The following CTNNA2 variants were observed in gnomAD, a reference collection of about 807,000 sequenced individuals.
CTNNA2 encodes the protein catenin alpha 2.
Under a neutral mutation model 101.0 loss-of-function variants are expected in CTNNA2, and 42 were observed. The ratio of observed to expected loss-of-function variants is 0.42; its 90% CI spans 0.32 to 0.54. The LOEUF (loss-of-function observed/expected upper bound fraction) is 0.54. CTNNA2 is among the 20% of genes least tolerant of loss of function. The probability of loss-of-function intolerance (pLI) is 0.14; values close to 1 mark genes in which losing one functional copy is unlikely to be tolerated. For synonymous variants in CTNNA2, 450 were observed against 456.4 expected, an observed-to-expected ratio of 0.99 and a Z score of 0.18; for missense variants, 871 against 1,223.1, an observed-to-expected ratio of 0.71 and a Z score of 4.29.
intron 7 of CTNNA2, among the ~76,000 whole-genome samples, chr2:80,152,123 A>G (rs1703741236): frequency 6.6e-6 from 1 of 152,222 alleles, no homozygotes; most frequent in Non-Finnish European, 1.5e-5. Context: ...GTTAACTGGG[A>G]TATGTATATA....
intron 12 of CTNNA2, among the ~76,000 whole-genome samples, chr2:80,562,213 C>T (rs1024122993): frequency 2.6e-5 from 4 of 150,970 alleles, no homozygotes; most frequent in Non-Finnish European, 4.5e-5. Flanking sequence ...AAAATATTTC[C>T]TATACACTGG....
intron 4 of CTNNA2, among the ~76,000 whole-genome samples, chr2:79,441,263 C>T (rs1678775158): frequency 6.6e-6 from 1 of 152,188 alleles, no homozygotes; most frequent in Non-Finnish European, 1.5e-5. Context: ...TATGTACCAC[C>T]TCTTTCAGAA....
chr2:80,435,986 C>T (rs764660216), intron 9 of CTNNA2, among the ~76,000 whole-genome samples: 1 of 152,090 alleles, frequency 6.6e-6, no homozygotes, highest in Non-Finnish European at 1.5e-5. Flanking sequence ...TAGTGATCTC[C>T]TGCTTAATTT....
intron 7 of CTNNA2, among the ~76,000 whole-genome samples, chr2:80,197,777 A>C (rs1346312197): frequency 2.0e-5 from 3 of 152,188 alleles, no homozygotes; most frequent in Admixed American, 1.3e-4. Context: ...CATGTAGACA[A>C]GTCTCAGTAA....
intron 1 of CTNNA2, among the ~76,000 whole-genome samples, chr2:79,647,886 G>T (rs1241158565): frequency 6.6e-6 from 1 of 152,196 alleles, no homozygotes; most frequent in Non-Finnish European, 1.5e-5. Context: ...TGTGCTCCAT[G>T]TGTCCTTCTT....
intron 7 of CTNNA2, among the ~76,000 whole-genome samples, chr2:80,293,444 A>G (rs1675443763): frequency 6.6e-6 from 1 of 152,224 alleles, no homozygotes; most frequent in South Asian, 2.1e-4. Flanking sequence ...CTTTGGTTTA[A>G]GGAGGTAAAA....
chr2:80,101,927 C>A (rs556055012), intron 7 of CTNNA2, among the ~76,000 whole-genome samples: 1 of 152,264 alleles, frequency 6.6e-6, no homozygotes, highest in South Asian at 2.1e-4. Flanking sequence ...ACGTCCTAGA[C>A]TAGGGAAGTC....
chr2:79,306,355 T>A (rs1346486469), intron 2 of CTNNA2, among the ~76,000 whole-genome samples: 1 of 152,304 alleles, frequency 6.6e-6, no homozygotes, highest in East Asian at 1.9e-4. Context: ...AAATAGATGT[T>A]GTGTTGTCAC....
chr2:80,646,799 G>C (rs3770384), intron 18 of CTNNA2, among the ~76,000 whole-genome samples: 2 of 152,018 alleles, frequency 1.3e-5, no homozygotes, highest in African/African-American at 2.4e-5. Flanking sequence ...TATCCAACAA[G>C]GTGACAGTAC....
intron 7 of CTNNA2, among the ~76,000 whole-genome samples, chr2:80,211,375 T>A (rs1379771610): frequency 6.6e-6 from 1 of 152,198 alleles, no homozygotes; most frequent in Non-Finnish European, 1.5e-5. Context: ...CTTTAATCCA[T>A]CTTGAGTTAA....
chr2:79,926,491 T>A (rs1376580238), intron 7 of CTNNA2, among the ~76,000 whole-genome samples: 1 of 152,114 alleles, frequency 6.6e-6, no homozygotes, highest in Non-Finnish European at 1.5e-5. Flanking sequence ...TCTTATCCTG[T>A]AATGAAACAT....
intron 2 of CTNNA2, among the ~76,000 whole-genome samples, chr2:79,269,150 G>A (rs1377878421): frequency 1.3e-5 from 2 of 152,030 alleles, no homozygotes; most frequent in Admixed American, 6.6e-5. Context: ...AGCATGAAAG[G>A]GATCCACAAC....
At chr2:80,070,717 CA>C (rs70940074) in intron 7 of CTNNA2, among the ~76,000 whole-genome samples, 67 of 140,374 alleles carry the variant, frequency 4.8e-4, no homozygotes, top group Admixed American at 4.3e-4. Context: ...GACCCTGTCT[CA>C]AAAAAAAAAA....
At position 79,720,885 on chromosome 2, in the gene CTNNA2, G is replaced by A. The variant is rs113474148; in HGVS notation, c.103-23502G>A. Among the ~76,000 whole-genome samples, 59 of 151,932 alleles carry A rather than the reference G, an allele frequency of 3.9e-4. 1 individual carries two copies. Among genetic ancestry groups the A allele is most frequent in the Admixed American group, 2.0e-3 (31 of 15,222 alleles). The stretch of plus-strand genomic sequence containing the variant: ...TTTCTCTTCCCTATTGCTCTGTCTA[G>A]GACTTATTTCCCACTTTGTTTTAAC... On this transcript the variant is annotated intron_variant, in intron 2 of 18. Coordinates refer to ENST00000402739, the MANE Select transcript of CTNNA2 (RefSeq NM_001282597.3).
At chr2:80,364,455 C>T (rs1158358996) in intron 7 of CTNNA2, among the ~76,000 whole-genome samples, 2 of 151,818 alleles carry the variant, frequency 1.3e-5, no homozygotes, top group Non-Finnish European at 2.9e-5. Context: ...AAACTCTTTG[C>T]CTTATTTTAG....
At chr2:80,136,821 T>C (rs940563546) in intron 7 of CTNNA2, among the ~76,000 whole-genome samples, 3 of 152,166 alleles carry the variant, frequency 2.0e-5, no homozygotes, top group Admixed American at 6.5e-5. Flanking sequence ...TAAAGTCTAG[T>C]GTAATTGGCT....
intron 7 of CTNNA2, among the ~76,000 whole-genome samples, chr2:80,371,677 T>C (rs1675457530): frequency 6.6e-6 from 1 of 151,784 alleles, no homozygotes; most frequent in Admixed American, 6.6e-5. Flanking sequence ...AATAAAATGA[T>C]GGAGGGAATG....
intron 7 of CTNNA2, among the ~76,000 whole-genome samples, chr2:80,189,066 C>T (rs1188826735): frequency 2.0e-5 from 3 of 151,316 alleles, no homozygotes; most frequent in Non-Finnish European, 4.4e-5. Context: ...ACTTCTCCTG[C>T]CTCAGCCTTC....
At chr2:79,711,414 C>T (rs1405774092) in intron 2 of CTNNA2, among the ~76,000 whole-genome samples, 6 of 152,118 alleles carry the variant, frequency 3.9e-5, no homozygotes, top group African/African-American at 1.4e-4. Context: ...CTTGAACTGG[C>T]CTGATTTCTC....
Sources: gnomAD v4.1 joint callset for allele counts (sites outside exome capture counted in the v4.1 genomes callset) on GRCh38, gnomAD v4.1.1 for gene constraint, MANE v1.5 for transcripts, NCBI Gene and HGNC (gene_info 2026-07-23, HGNC 2026-07-21) for gene names.